CNTNAP5: variants seen among roughly 807,000 people sequenced by gnomAD.
CNTNAP5 encodes the protein contactin associated protein family member 5.
A neutral mutation model predicts 150.2 loss-of-function variants in CNTNAP5; 72 were observed. The observed-to-expected ratio is 0.48, with a 90% CI of 0.40 to 0.58. The LOEUF (loss-of-function observed/expected upper bound fraction) is 0.58, where lower values mean the gene tolerates loss of function less well. CNTNAP5 is among the 20% of genes least tolerant of loss of function. The probability of loss-of-function intolerance (pLI) is 0.00; values close to 1 mark genes in which losing one functional copy is unlikely to be tolerated. For missense variants in CNTNAP5, 1,636 were observed against 1,626.2 expected, an observed-to-expected ratio of 1.01 and a Z score of -0.10; for synonymous variants, 672 against 619.8, an observed-to-expected ratio of 1.08 and a Z score of -1.25.
intron 3 of CNTNAP5, among the ~76,000 whole-genome samples, chr2:124,270,790 C>A (rs1232092418): frequency 2.0e-5 from 3 of 152,056 alleles, no homozygotes; most frequent in African/African-American, 7.2e-5. Flanking sequence ...AATCACATTC[C>A]AAAATACATG....
chr2:124,203,447 C>T (rs1426929425), intron 1 of CNTNAP5, among the ~76,000 whole-genome samples: 1 of 152,164 alleles, frequency 6.6e-6, no homozygotes, highest in Non-Finnish European at 1.5e-5. Context: ...TAGCCCTTTC[C>T]TCACAGATCC....
At chr2:124,217,873 A>T (rs1352342131) in intron 1 of CNTNAP5, among the ~76,000 whole-genome samples, 1 of 152,138 alleles carries the variant, frequency 6.6e-6, no homozygotes, top group East Asian at 1.9e-4. Context: ...TATGATGAAA[A>T]TGACTATTTT....
intron 13 of CNTNAP5, among the ~76,000 whole-genome samples, chr2:124,706,901 A>AGGAGGAGAAGAGGAAGAGGAAGAAGAAGG (rs1558743239): frequency 1.3e-4 from 1 of 7,926 alleles, no homozygotes; most frequent in Non-Finnish European, 2.3e-4. Context: ...GAGGAAGAAG[A>AGGAGGAGAAGAGGAAGAGGAAGAAGAAGG]AGGAGGAGGA....
At chr2:124,853,323 C>T (rs781518379) in intron 19 of CNTNAP5, among the ~76,000 whole-genome samples, 22 of 152,168 alleles carry the variant, frequency 1.4e-4, no homozygotes, top group Non-Finnish European at 3.1e-4. Flanking sequence ...CTAATGGAAT[C>T]CCCCTTTACA....
At chr2:124,589,454 T>C (rs1696630422) in intron 11 of CNTNAP5, among the ~76,000 whole-genome samples, 1 of 152,222 alleles carries the variant, frequency 6.6e-6, no homozygotes, top group South Asian at 2.1e-4. Context: ...TTGTTTCCAC[T>C]TTTTGACTAT....
intron 3 of CNTNAP5, among the ~76,000 whole-genome samples, chr2:124,359,235 T>A (rs950554113): frequency 1.3e-5 from 2 of 151,730 alleles, no homozygotes; most frequent in Non-Finnish European, 2.9e-5. Context: ...ATCAATTTTG[T>A]TGATCCTTTC....
chr2:124,488,781 G>A (rs1306909285), intron 7 of CNTNAP5, among the ~76,000 whole-genome samples: 2 of 152,210 alleles, frequency 1.3e-5, no homozygotes, highest in Non-Finnish European at 2.9e-5. Context: ...GAAGAAGAAT[G>A]TCTTCCTAAG....
At chr2:124,551,980 C>A (rs1231393007) in intron 10 of CNTNAP5, among the ~76,000 whole-genome samples, 1 of 152,030 alleles carries the variant, frequency 6.6e-6, no homozygotes, top group African/African-American at 2.4e-5. Context: ...GTTCATATGT[C>A]TAAATAACTG....
intron 1 of CNTNAP5, among the ~76,000 whole-genome samples, chr2:124,206,367 G>A (rs547898076): frequency 4.6e-5 from 7 of 152,356 alleles, no homozygotes; most frequent in Admixed American, 4.6e-4. Flanking sequence ...GACAGCAACA[G>A]TGCAGATATG....
intron 9 of CNTNAP5, among the ~76,000 whole-genome samples, chr2:124,526,930 A>C (rs1241495005): frequency 6.6e-6 from 1 of 152,214 alleles, no homozygotes; most frequent in Non-Finnish European, 1.5e-5. Context: ...GACAGAACCA[A>C]AATTCTGAAG....
chr2:124,330,659 CTG>C (rs1689327902), intron 3 of CNTNAP5, among the ~76,000 whole-genome samples: 1 of 152,130 alleles, frequency 6.6e-6, no homozygotes, highest in South Asian at 2.1e-4. Context: ...TAATGCAAAA[CTG>C]TGAGTCAATT....
intron 12 of CNTNAP5, among the ~76,000 whole-genome samples, chr2:124,629,382 A>C (rs1488538315): frequency 1.3e-5 from 2 of 152,220 alleles, no homozygotes; most frequent in Non-Finnish European, 2.9e-5. Context: ...CTGTGCAATT[A>C]AATTAGAACT....
intron 3 of CNTNAP5, among the ~76,000 whole-genome samples, chr2:124,245,686 AAT>A (rs1220477219): frequency 6.7e-6 from 1 of 149,996 alleles, no homozygotes. Context: ...TATACACACA[AAT>A]ATATATATAC....
intron 13 of CNTNAP5, among the ~76,000 whole-genome samples, chr2:124,726,314 A>T (rs1217834959): frequency 6.6e-6 from 1 of 152,160 alleles, no homozygotes; most frequent in Non-Finnish European, 1.5e-5. Context: ...TGATTGGATC[A>T]TGGAGGGAGT....
At chr2:124,843,653 G>A (rs1017492725) in intron 19 of CNTNAP5, among the ~76,000 whole-genome samples, 1 of 152,024 alleles carries the variant, frequency 6.6e-6, no homozygotes, top group Non-Finnish European at 1.5e-5. Flanking sequence ...CCTGTTCACT[G>A]CATCCATGCT....
chr2:124,515,617 CT>C (rs1666407649), intron 8 of CNTNAP5, among the ~76,000 whole-genome samples: 1 of 152,142 alleles, frequency 6.6e-6, no homozygotes, highest in Admixed American at 6.6e-5. Context: ...TGTTCTCTGT[CT>C]GTACAGTTTA....
At chr2:124,521,356 C>A (rs113231246) in intron 8 of CNTNAP5, among the ~76,000 whole-genome samples, 1 of 151,900 alleles carries the variant, frequency 6.6e-6, no homozygotes, top group African/African-American at 2.4e-5. Context: ...TAGGAAAAGA[C>A]CAAATTAAAG....
intron 13 of CNTNAP5, among the ~76,000 whole-genome samples, chr2:124,689,412 C>T (rs778851437): frequency 3.9e-5 from 6 of 152,012 alleles, no homozygotes; most frequent in African/African-American, 4.8e-5. Context: ...AAGATGAGGT[C>T]GGAGGAGGCA....
chr2:124,634,460 T>C (rs1159137088), intron 12 of CNTNAP5, among the ~76,000 whole-genome samples: 2 of 152,180 alleles, frequency 1.3e-5, no homozygotes, highest in Admixed American at 6.5e-5. Context: ...AATAAGTTTC[T>C]TTTTATATAT....
Sources: gnomAD v4.1 joint callset for allele counts (sites outside exome capture counted in the v4.1 genomes callset) on GRCh38, gnomAD v4.1.1 for gene constraint, MANE v1.5 for transcripts, NCBI Gene and HGNC (gene_info 2026-07-23, HGNC 2026-07-21) for gene names.